The following GRK5 variants were observed in gnomAD, a reference collection of about 807,000 sequenced individuals.
The protein encoded by GRK5 is G protein-coupled receptor kinase 5, also known as g protein-coupled receptor kinase GRK5.
In GRK5, 40 loss-of-function variants were observed where a neutral mutation model predicts 78.4. That is an observed-to-expected ratio of 0.51 (90% CI 0.40 to 0.66). GRK5 has a LOEUF of 0.66. Among genes scored for constraint, GRK5 ranks in the 30% least tolerant of loss-of-function variants. GRK5 has a pLI of 0.00. For missense variants in GRK5, 598 were observed against 759.9 expected (o/e 0.79, Z 2.50); for synonymous variants, 289 against 296.8 (o/e 0.97, Z 0.27).
intron 1 of GRK5, among the ~76,000 whole-genome samples, chr10:119,274,134 G>A (rs1021891466): frequency 5.3e-5 from 8 of 152,286 alleles, no homozygotes; most frequent in African/African-American, 1.9e-4. Flanking sequence ...AGCAAAGCTT[G>A]GTTAGCCATC....
intron 1 of GRK5, among the ~76,000 whole-genome samples, chr10:119,254,006 G>A (rs997386979): frequency 2.0e-5 from 3 of 152,158 alleles, no homozygotes; most frequent in Non-Finnish European, 4.4e-5. Context: ...AAAATATTAC[G>A]CTTTAGTCAA....
chr10:119,429,011 G>A (rs989422457), intron 6 of GRK5, among the ~76,000 whole-genome samples: 1 of 152,224 alleles, frequency 6.6e-6, no homozygotes, highest in African/African-American at 2.4e-5. Flanking sequence ...TTCCGGGGGC[G>A]GCTGTAGGGA....
At chr10:119,215,760 A>C (rs1848561054) in intron 1 of GRK5, among the ~76,000 whole-genome samples, 1 of 152,184 alleles carries the variant, frequency 6.6e-6, no homozygotes, top group East Asian at 1.9e-4. Context: ...ATAGATACAT[A>C]CAGAGCCCCA....
At chr10:119,385,515 A>G (rs1851780176) in intron 3 of GRK5, among the ~76,000 whole-genome samples, 1 of 152,166 alleles carries the variant, frequency 6.6e-6, no homozygotes, top group Non-Finnish European at 1.5e-5. Flanking sequence ...GAGATCTGCT[A>G]GGAGGCTGTT....
At chr10:119,410,160 G>A (rs529168474) in intron 4 of GRK5, among the ~76,000 whole-genome samples, 1 of 152,342 alleles carries the variant, frequency 6.6e-6, no homozygotes, top group South Asian at 2.1e-4. Context: ...CTCACTCCAC[G>A]TCCGGGCACA....
At chr10:119,291,992 TCTC>T (rs1337988640) in intron 1 of GRK5, among the ~76,000 whole-genome samples, 1 of 12,964 alleles carries the variant, frequency 7.7e-5, no homozygotes, top group Non-Finnish European at 1.6e-4. Context: ...TCCTCCTTCT[TCTC>T]CTCCTCTTCC....
At chr10:119,384,381 A>G (rs753200168) in intron 3 of GRK5, among the ~76,000 whole-genome samples, 6 of 152,238 alleles carry the variant, frequency 3.9e-5, no homozygotes, top group African/African-American at 4.8e-5. Context: ...CTCCAGAGAT[A>G]GGATGCCAAG....
At position 119,217,292 on chromosome 10, in the gene GRK5, A is replaced by G. The variant is rs953837144; in HGVS notation, c.52+9323A>G. ...AGAGCAGTTGGGTAAATTAATTCCT[A>G]CTAGGTTGTAAATGACTGATAGGTG... On this transcript the variant is annotated intron_variant, in intron 1 of 15. Coordinates refer to ENST00000392870, the MANE Select transcript of GRK5 (RefSeq NM_005308.3). The surrounding 1 kb of genome is among the most constrained non-coding windows in gnomAD (Gnocchi z 4.1). Among the ~76,000 whole-genome samples, 5 of 152,212 alleles carry G rather than the reference A, an allele frequency of 3.3e-5. No individual in the cohort carries two copies. The highest frequency in any genetic ancestry group is 1.2e-4 in the African/African-American group (5 of 41,450).
At chr10:119,388,684 CT>C (rs1327666011) in intron 3 of GRK5, among the ~76,000 whole-genome samples, 1 of 152,190 alleles carries the variant, frequency 6.6e-6, no homozygotes, top group Non-Finnish European at 1.5e-5. Flanking sequence ...AACAGTCAAC[CT>C]TTATTAGGTG....
At chr10:119,420,433 T>C (rs1852548546) in intron 4 of GRK5, among the ~76,000 whole-genome samples, 1 of 151,884 alleles carries the variant, frequency 6.6e-6, no homozygotes, top group South Asian at 2.1e-4. Context: ...CCATGTACAG[T>C]ACAACCGAGA....
intron 4 of GRK5, among the ~76,000 whole-genome samples, chr10:119,405,052 GCCCC>G (rs756139404): frequency 1.4e-4 from 22 of 152,192 alleles, no homozygotes; most frequent in Non-Finnish European, 2.8e-4. Context: ...TGGTTGCAGT[GCCCC>G]ACCGCAATTA....
At chr10:119,453,974 G>GTGGCCACCATACACCCCGTCTTGGCC (rs532755948) in intron 15 of GRK5, among the ~76,000 whole-genome samples, 93 of 152,254 alleles carry the variant, frequency 6.1e-4, no homozygotes, top group African/African-American at 2.2e-3. Context: ...CACCATGAAG[G>GTGGCCACCATACACCCCGTCTTGGCC]TGGCCACCAT....
At chr10:119,369,768 C>T (rs920739571) in intron 2 of GRK5, among the ~76,000 whole-genome samples, 1 of 152,124 alleles carries the variant, frequency 6.6e-6, no homozygotes, top group African/African-American at 2.4e-5. Context: ...GCCGGGCTTC[C>T]GGGCAGAGGA....
intron 2 of GRK5, among the ~76,000 whole-genome samples, chr10:119,332,014 A>T (rs1321306422): frequency 6.6e-6 from 1 of 152,114 alleles, no homozygotes; most frequent in Non-Finnish European, 1.5e-5. Flanking sequence ...TACTTACTAC[A>T]TACTTCTAAA....
Position 119,396,712 on chromosome 10 carries a change from T to C in GRK5, c.279T>C (p.Thr93=). 6.2e-7 allele frequency: 1 copy of C among 1,613,086 alleles called. No individual in the cohort carries two copies. Among genetic ancestry groups the C allele is most frequent in the Non-Finnish European group, 8.5e-7 (1 of 1,179,010 alleles). Residue 93 remains threonine (T), a synonymous_variant, in exon 4 of 16, where the codon ACT becomes ACC. Coordinates refer to ENST00000392870, the MANE Select transcript of GRK5 (RefSeq NM_005308.3). ...TGTTTTAGGCAGAATATGAAGTTAC[T>C]CCAGATGAAAAACTGGGAGAGAAAG... ...FLDSVAEYEV[T]PDEKLGEKGK...
Position 119,443,741 on chromosome 10 carries a change from A to G in GRK5, c.1255A>G (p.Ile419Val), listed in dbSNP as rs773711050. 2 of 1,599,410 alleles carry G rather than the reference A, an allele frequency of 1.3e-6. No homozygotes were observed. The highest frequency in any genetic ancestry group is 1.7e-6 in the Non-Finnish European group (2 of 1,169,294). ...SHKFSEEAKSICKMLLTKDAK... is the reference protein window; with the variant it reads ...SHKFSEEAKSVCKMLLTKDAK... The stretch of plus-strand genomic sequence containing the variant: ...CAAGTTCTCCGAGGAGGCCAAGTCC[A>G]TCTGCAAGATGGTGAGCTCCTGGTG... Residue 419 changes from isoleucine to valine, a missense_variant, in exon 12 of 16, where the codon ATC becomes GTC. By Grantham distance (29) the Ile-to-Val change is conservative. Transcript: ENST00000392870.
intron 1 of GRK5, among the ~76,000 whole-genome samples, chr10:119,219,718 C>A (rs1392612966): frequency 1.3e-5 from 2 of 152,152 alleles, no homozygotes; most frequent in African/African-American, 4.8e-5. Flanking sequence ...CCCCCTCCCC[C>A]CTAATTTGGA....
At chr10:119,317,022 C>A (rs139128288) in intron 1 of GRK5, among the ~76,000 whole-genome samples, 38 of 152,246 alleles carry the variant, frequency 2.5e-4, no homozygotes, top group African/African-American at 9.1e-4. Context: ...AAAGACACTC[C>A]TATTACTCAG....
At chr10:119,216,737 G>A (rs1267846453) in intron 1 of GRK5, among the ~76,000 whole-genome samples, 1 of 152,096 alleles carries the variant, frequency 6.6e-6, no homozygotes, top group East Asian at 1.9e-4. Context: ...TGGATCACTT[G>A]CGGTCAGGAG....
Sources: allele counts gnomAD v4.1 joint callset (sites outside exome capture counted in the v4.1 genomes callset), GRCh38; gene constraint gnomAD v4.1.1; non-coding constraint Gnocchi (gnomAD v3.1); transcripts MANE v1.5; gene names NCBI Gene and HGNC (gene_info 2026-07-23, HGNC 2026-07-21).